CEP290: variants seen among roughly 807,000 people sequenced by gnomAD.
The protein encoded by CEP290 is centrosomal protein of 290 kDa.
In CEP290, 317 loss-of-function variants were observed where a neutral mutation model predicts 344.9. The observed-to-expected ratio is 0.92, with a 90% CI of 0.84 to 1.01. CEP290 has a LOEUF of 1.01. Among genes scored for constraint, CEP290 ranks in the 50% least tolerant of loss-of-function variants. CEP290 has a pLI of 0.00. For missense variants in CEP290, 2,754 were observed against 2,761.4 expected (o/e 1.00, Z 0.06); for synonymous variants, 932 against 895.8 (o/e 1.04, Z -0.72).
chr12:88,059,989 C>T lies in CEP290; in HGVS notation c.6554G>A (p.Gly2185Glu), dbSNP rs762488968. The T allele has an allele frequency of 6.4e-7, 1 of 1,566,960 alleles. No individual in the cohort carries two copies. The highest frequency in any genetic ancestry group is 8.6e-7 in the Non-Finnish European group (1 of 1,158,602). ...AELEKLKAHL[G>E]HQLSMHYESK... ...TTCATAGTGCATGCTCAACTGATGCCCAAGATGAGCTTTAAGTTTTTCTAA... is the reference window on the plus strand; with the variant it reads ...TTCATAGTGCATGCTCAACTGATGCTCAAGATGAGCTTTAAGTTTTTCTAA... Residue 2185 changes from glycine (G) to glutamate (E), a missense_variant, in exon 48 of 54, where the codon GGG (glycine) becomes GAG (glutamate). Gly to Glu is a moderately conservative substitution (Grantham distance 98). Transcript: ENST00000552810.
chr12:88,122,267 A>G (rs1254210544), intron 13 of CEP290, among the ~76,000 whole-genome samples: 2 of 151,972 alleles, frequency 1.3e-5, no homozygotes, highest in African/African-American at 2.4e-5. Flanking sequence ...AATAAACACT[A>G]TATTTACCTG....
At chr12:88,050,231 T>C (rs1592707740) in intron 53 of CEP290, 123 bp downstream of exon 53, 2 of 597,990 alleles carry the variant, frequency 3.3e-6, no homozygotes, top group East Asian at 6.0e-5. Context: ...AACTTTGCAA[T>C]ATAAAGGTCA....
At position 88,136,670 on chromosome 12, in the gene CEP290, C is replaced by T; in HGVS notation, c.414G>A (p.Leu138=). The T allele has an allele frequency of 1.9e-6, 3 of 1,613,620 alleles. No homozygotes were observed. The African/African-American group carries it at 4.0e-5, about 22-fold the overall frequency. ...DRELEDMEKE[L]EKEKKVNEQL... The stretch of plus-strand genomic sequence containing the variant: ...GCTCATTAACTTTCTTCTCTTTCTC[C>T]AACTCCTTTTCCATGTCCTCCAATT... The change falls in exon 6 of 54, where the codon TTG becomes TTA. Residue 138 remains leucine (L), a synonymous_variant. Transcript: ENST00000552810.
At position 88,117,087 on chromosome 12, in the gene CEP290, A is replaced by G; in HGVS notation, c.1770T>C (p.Ser590=). Residue 590 remains serine (S), a synonymous_variant, in exon 18 of 54, where the codon AGT becomes AGC. Transcript: ENST00000552810. ...GGCTCAATAAATCCAATTTTCTTTCACTTATTCTATCTCCTTGAGAAATGT... is the reference window on the plus strand; with the variant it reads ...GGCTCAATAAATCCAATTTTCTTTCGCTTATTCTATCTCCTTGAGAAATGT... ...TENISQGDRI[S]ERKLDLLSLK... The G allele has an allele frequency of 6.4e-7, 1 of 1,561,226 alleles. No individual in the cohort carries two copies. The highest frequency in any genetic ancestry group is 8.7e-7 in the Non-Finnish European group (1 of 1,149,836).
Position 88,071,394 on chromosome 12 carries a change from C to CAG in CEP290, c.5909_5910dup (p.Val1971LeufsTer20). On this transcript the variant is annotated frameshift_variant, in exon 43 of 54. Transcript: ENST00000552810. LOFTEE classifies it high-confidence loss of function. ...GCTCGTATTCCCAAAACCTGATCAACAGTCATGCCAGTTGTTTTTAGTTTC... is the reference window on the plus strand; with the variant it reads ...GCTCGTATTCCCAAAACCTGATCAACAGAGTCATGCCAGTTGTTTTTAGTTTC... The CAG allele has an allele frequency of 6.2e-7, 1 of 1,611,818 alleles. No homozygotes were observed. The highest frequency in any genetic ancestry group is 8.5e-7 in the Non-Finnish European group (1 of 1,178,874).
Position 88,071,884 on chromosome 12 carries a change from A to C in CEP290, c.5752T>G (p.Trp1918Gly). 3 of 1,602,646 alleles carry C rather than the reference A, an allele frequency of 1.9e-6. No individual in the cohort carries two copies. The highest frequency in any genetic ancestry group is 2.6e-6 in the Non-Finnish European group (3 of 1,175,476). Residue 1918 changes from tryptophan (W) to glycine (G), a missense_variant, in exon 42 of 54, where the codon TGG becomes GGG. Coordinates refer to ENST00000552810, the MANE Select transcript of CEP290 (RefSeq NM_025114.4). ...ELIRWEEGKK[W>G]QAKIEGIRNK... ...CGAATTCCTTCTATTTTGGCTTGCC[A>C]CTTTTTACCTTCTTCCCACCTAATT...
intron 3 of CEP290, 56 bp from the exon 4 acceptor site, chr12:88,139,620 G>T: frequency 7.8e-7 from 1 of 1,277,460 alleles, no homozygotes; most frequent in South Asian, 2.4e-5. Context: ...TGTAAGCACT[G>T]AAAATAAAAA....
chr12:88,132,291 G>A (rs1473781761), intron 6 of CEP290, among the ~76,000 whole-genome samples: 2 of 152,014 alleles, frequency 1.3e-5, no homozygotes, highest in African/African-American at 2.4e-5. Context: ...TAAAGGAGAC[G>A]ATAGAATCAC....
intron 17 of CEP290, among the ~76,000 whole-genome samples, chr12:88,118,126 CAT>C (rs1282045908): frequency 1.3e-5 from 2 of 151,656 alleles, no homozygotes; most frequent in Non-Finnish European, 2.9e-5. Context: ...TGTTGAGTAA[CAT>C]ATATTAACAT....
chr12:88,078,984 G>T, intron 39 of CEP290, 108 bp downstream of exon 39: 2 of 868,430 alleles, frequency 2.3e-6, no homozygotes, highest in Non-Finnish European at 3.3e-6. Flanking sequence ...CACCAACAGT[G>T]CATTATAAAT....
At chr12:88,125,172 C>G (rs2137998873) in intron 13 of CEP290, 74 bp downstream of exon 13, 2 of 482,170 alleles carry the variant, frequency 4.1e-6, no homozygotes. Context: ...ATTGACTTGA[C>G]ATTTTATTTT....
At chr12:88,102,567 C>T (rs749885383) in intron 26 of CEP290, among the ~76,000 whole-genome samples, 10 of 152,102 alleles carry the variant, frequency 6.6e-5, no homozygotes, top group Non-Finnish European at 1.5e-4. Flanking sequence ...TCAGCTAAAT[C>T]ATGCAAGTGA....
At chr12:88,086,608 T>C in intron 32 of CEP290, 110 bp from the exon 33 acceptor site, 1 of 686,236 alleles carries the variant, frequency 1.5e-6, no homozygotes. Context: ...GAAGAAACTG[T>C]AATTATTTTC....
In CEP290 at chr12:88,079,123, T is replaced by C; in HGVS notation, c.5333A>G (p.Gln1778Arg). Residue 1778 changes from glutamine (Q) to arginine (R), a missense_variant, in exon 39 of 54, where the codon CAA (glutamine) becomes CGA (arginine). Coordinates refer to ENST00000552810, the MANE Select transcript of CEP290 (RefSeq NM_025114.4). ...CTCTCTAGTATGTCGATCAACGATT[T>C]GTTGAACATTGAGATGGGCCTCTTT... ...SQKEAHLNVQQIVDRHTRELK... is the reference protein window; with the variant it reads ...SQKEAHLNVQRIVDRHTRELK... The C allele has an allele frequency of 6.3e-7, 1 of 1,594,422 alleles. No homozygotes were observed. The highest frequency in any genetic ancestry group is 8.5e-7 in the Non-Finnish European group (1 of 1,172,694).
intron 44 of CEP290, among the ~76,000 whole-genome samples, chr12:88,065,913 T>C (rs2034886916): frequency 1.3e-5 from 2 of 152,210 alleles, no homozygotes; most frequent in Admixed American, 1.3e-4. Context: ...AGAATTCTTG[T>C]ATAACGAACT....
chr12:88,114,614 C>A, intron 19 of CEP290, 52 bp from the exon 20 acceptor site: 1 of 1,408,788 alleles, frequency 7.1e-7, no homozygotes, highest in South Asian at 1.3e-5. Context: ...TCACAATTTA[C>A]ACTATGCTAT....
rs1565913090 is a variant in CEP290 at position 88,129,000 on chromosome 12, AT to A, written c.887del (p.Asn296MetfsTer9). On this transcript the variant is annotated frameshift_variant, in exon 11 of 54. Transcript: ENST00000552810. LOFTEE classifies it high-confidence loss of function. Reference sequence around the variant, plus strand: ...CTACCATAATTGGATCATCTTCTTCATTTTTTGATTTCAGAAGATCTGTAAG... The same window carrying A: ...CTACCATAATTGGATCATCTTCTTCATTTTTGATTTCAGAAGATCTGTAAG... Reference protein sequence around the residue: ...QELTDLLKSKNEEDDPIMVAV... With the variant: ...QELTDLLKSKXEEDDPIMVAV... 2.6e-6 allele frequency: 4 copies of A among 1,531,490 alleles called. No homozygotes were observed. Among genetic ancestry groups the A allele is most frequent in the South Asian group, 2.7e-5 (2 of 74,022 alleles). The allele number at this position is 1,531,490 out of a possible 1,614,324, so 94.9% of individuals were successfully genotyped here. A position where few individuals can be genotyped will look rare whatever the true frequency, so the allele number is the denominator to read the frequency against.
intron 6 of CEP290, among the ~76,000 whole-genome samples, chr12:88,135,154 T>C (rs1401998127): frequency 6.6e-6 from 1 of 152,132 alleles, no homozygotes; most frequent in Non-Finnish European, 1.5e-5. Flanking sequence ...TGGTATGCTG[T>C]AAAGACTCAA....
intron 41 of CEP290, among the ~76,000 whole-genome samples, chr12:88,073,352 A>G (rs2035523112): frequency 1.3e-5 from 2 of 152,216 alleles, no homozygotes; most frequent in South Asian, 4.1e-4. Flanking sequence ...TCAGTCTGCA[A>G]TCGTAGCTTT....
Sources: gnomAD v4.1 joint callset for allele counts (sites outside exome capture counted in the v4.1 genomes callset) on GRCh38, gnomAD v4.1.1 for gene constraint, MANE v1.5 for transcripts, NCBI Gene and HGNC (gene_info 2026-07-23, HGNC 2026-07-21) for gene names.